TMEM25: variants seen among roughly 807,000 people sequenced by gnomAD.
TMEM25 encodes the protein 0610039J01Rik.
TMEM25 carries 36 observed loss-of-function variants against 37.0 expected under a neutral mutation model. The observed-to-expected ratio is 0.97, with a 90% CI of 0.75 to 1.28. The LOEUF is 1.28. TMEM25 is among the 50% of genes most tolerant of loss of function. TMEM25 has a pLI of 0.00. For synonymous variants in TMEM25, 197 were observed against 203.7 expected (o/e 0.97, Z 0.28); for missense variants, 444 against 477.9 (o/e 0.93, Z 0.66).
In TMEM25 at chr11:118,535,715, A is replaced by G. The variant is rs1221692825; in HGVS notation, c.*1135A>G. 7.0e-7 allele frequency: 1 copy of G among 1,432,496 alleles called. No homozygotes were observed. The highest frequency in any genetic ancestry group is 9.1e-7 in the Non-Finnish European group (1 of 1,094,826). 88.7% of individuals were successfully genotyped at this position (1,432,496 alleles called of 1,614,324 possible). ...GCAACATGTAAATGATTGGAAATTA[A>G]TATAGTACAGAATATATTTTTCCCT... On this transcript the variant is annotated 3_prime_UTR_variant, in exon 9 of 9. Transcript: ENST00000313236.
In TMEM25 at chr11:118,534,702, C is replaced by A; in HGVS notation, c.*122C>A. ...TATGCCACTGCCACTTTTGCTTGCC[C>A]TCCTGGCTGGGGTGCCCTCCATGTC... On this transcript the variant is annotated 3_prime_UTR_variant, in exon 9 of 9. Transcript: ENST00000313236. This position sits in a 1 kb window ranked among gnomAD's most constrained non-coding sequence, Gnocchi z 4.6. 6.7e-7 allele frequency: 1 copy of A among 1,499,656 alleles called. No homozygotes were observed. The highest frequency in any genetic ancestry group is 1.3e-5 in the South Asian group (1 of 77,020). 92.9% of individuals were successfully genotyped at this position (1,499,656 alleles called of 1,614,324 possible).
intron 1 of TMEM25, chr11:118,531,526 G>A: frequency 1.8e-6 from 1 of 550,482 alleles, no homozygotes; most frequent in East Asian, 3.0e-5. Flanking sequence ...CGTATCTGCG[G>A]GTGTGTGCCT....
At chr11:118,531,255 G>A in intron 1 of TMEM25, 21 bp downstream of exon 1, 1 of 381,828 alleles carries the variant, frequency 2.6e-6, no homozygotes. Context: ...CCGGTGGCGG[G>A]GGGCGGGGGC....
rs1555061822 is a variant in TMEM25, at chr11:118,534,290, T to C, written c.962T>C (p.Met321Thr). The C allele has an allele frequency of 2.5e-6, 4 of 1,614,204 alleles. No individual in the cohort carries two copies. Among genetic ancestry groups the C allele is most frequent in the South Asian group, 1.1e-5 (1 of 91,076 alleles). ...SRAVKPADRQMAQNNSRPELL... is the reference protein window; with the variant it reads ...SRAVKPADRQTAQNNSRPELL... The stretch of plus-strand genomic sequence containing the variant: ...GCAGTGAAACCAGCAGACCGGCAGA[T>C]GGCTCAGAACAACAGCCGGCCAGAG... The change falls in exon 8 of 9, where the codon ATG (methionine) becomes ACG (threonine). Residue 321 changes from methionine (M) to threonine (T), a missense_variant. Physicochemically the swap from Met to Thr is moderately conservative, Grantham distance 81. Transcript: ENST00000313236. This position sits in a 1 kb window ranked among gnomAD's most constrained non-coding sequence, Gnocchi z 4.6.
chr11:118,532,887 G>A (rs781803471), intron 3 of TMEM25, 30 bp from the exon 4 acceptor site: 27 of 1,592,860 alleles, frequency 1.7e-5, no homozygotes, highest in Non-Finnish European at 1.7e-6. Context: ...GGGCTGTGGT[G>A]AGAGCATATT....
At chr11:118,543,420 C>T (rs2135449629) in intron 8 of TMEM25, among the ~76,000 whole-genome samples, 1 of 152,242 alleles carries the variant, frequency 6.6e-6, no homozygotes, top group Middle Eastern at 3.4e-3. Context: ...CTTTTATGTT[C>T]CTCAGTACCC....
chr11:118,533,294 C>G, intron 4 of TMEM25, 87 bp downstream of exon 4: 1 of 1,563,476 alleles, frequency 6.4e-7, no homozygotes, highest in East Asian at 2.3e-5. Flanking sequence ...ACTTGTTGCC[C>G]TGTGGTTGGG....
In TMEM25 at chr11:118,534,378, C is replaced by A. The variant is rs782104233; in HGVS notation, c.1027+23C>A. ...AAGGTACTGGGGAAGGGGCCTGCCA[C>A]CCTCCTCCTCTGCCCCCCAGCCCTG... On this transcript the variant is annotated intron_variant, in intron 8 of 8. Coordinates refer to ENST00000313236, the MANE Select transcript of TMEM25 (RefSeq NM_032780.4). This position sits in a 1 kb window ranked among gnomAD's most constrained non-coding sequence, Gnocchi z 4.6. The A allele has an allele frequency of 6.2e-7, 1 of 1,612,720 alleles. No individual in the cohort carries two copies. The highest frequency in any genetic ancestry group is 1.3e-5 in the African/African-American group (1 of 75,010).
downstream of TMEM25, among the ~76,000 whole-genome samples, chr11:118,536,718 C>T (rs1951515036): frequency 6.6e-6 from 1 of 152,236 alleles, no homozygotes; most frequent in Non-Finnish European, 1.5e-5. Flanking sequence ...TCAGCTGCTT[C>T]TTCCCACCTC....
chr11:118,532,572 A>G lies in TMEM25; in HGVS notation c.382+111A>G, dbSNP rs1316620031. 4 of 1,224,618 alleles carry G rather than the reference A, an allele frequency of 3.3e-6. No individual in the cohort carries two copies. In the African/African-American group the frequency reaches 6.1e-5, roughly 19 times the overall value. The allele number at this position is 1,224,618 out of a possible 1,614,324, so 75.9% of individuals were successfully genotyped here. A position where few individuals can be genotyped will look rare whatever the true frequency, so the allele number is the denominator to read the frequency against. On this transcript the variant is annotated intron_variant, in intron 3 of 8. Transcript: ENST00000313236. ...TAGCAGACACTTAAGCACTTTGCAA[A>G]TATGAACTCATTTGATCCTCTGAGT...
chr11:118,544,771 C>G, intron 8 of TMEM25: 3 of 638,474 alleles, frequency 4.7e-6, no homozygotes. Flanking sequence ...TCTGTGCCCT[C>G]TGGCAGAGAG....
downstream of TMEM25, among the ~76,000 whole-genome samples, chr11:118,540,580 A>C (rs1951565690): frequency 6.6e-6 from 1 of 152,014 alleles, no homozygotes; most frequent in Admixed American, 6.6e-5. Context: ...CAGAAAGTTT[A>C]CTCTTCCTGA....
chr11:118,534,399 C>G lies in TMEM25; in HGVS notation c.1027+44C>G, dbSNP rs782806843. ...GCCACCCTCCTCCTCTGCCCCCCAG[C>G]CCTGTGCTTATGCCAGAGGCCTCCA... is the stretch of plus-strand genomic sequence containing the variant. On this transcript the variant is annotated intron_variant, in intron 8 of 8. Coordinates refer to ENST00000313236, the MANE Select transcript of TMEM25 (RefSeq NM_032780.4). The surrounding 1 kb of genome is among the most constrained non-coding windows in gnomAD (Gnocchi z 4.6). 1 of 1,611,110 alleles carries G rather than the reference C, an allele frequency of 6.2e-7. No individual in the cohort carries two copies. Among genetic ancestry groups the G allele is most frequent in the Non-Finnish European group, 8.5e-7 (1 of 1,178,636 alleles).
chr11:118,540,359 C>T (rs1179653649), downstream of TMEM25, among the ~76,000 whole-genome samples: 4 of 152,178 alleles, frequency 2.6e-5, no homozygotes, highest in African/African-American at 4.8e-5. Flanking sequence ...GTGCCAGCCA[C>T]CTGAAAGGAG....
Position 118,535,041 on chromosome 11 carries a change from C to T in TMEM25, c.*461C>T. On this transcript the variant is annotated 3_prime_UTR_variant, in exon 9 of 9. Transcript: ENST00000313236. ...CCTTCCTATGCTATGTAGCCTTGTT[C>T]CCTCAGGTAAAATTTAGGACCCTGC... 2.9e-6 allele frequency: 3 copies of T among 1,026,540 alleles called. No individual in the cohort carries two copies. In the South Asian group the frequency reaches 1.2e-4, roughly 42 times the overall value. The allele number at this position is 1,026,540 out of a possible 1,614,324, so 63.6% of individuals were successfully genotyped here.
rs1951265912 is a variant in TMEM25, at chr11:118,531,532, T to C, written c.-27-243T>C. The C allele has an allele frequency of 5.4e-6, 3 of 552,134 alleles. No individual in the cohort carries two copies. In the East Asian group the frequency reaches 8.9e-5, roughly 16 times the overall value. The allele number at this position is 552,134 out of a possible 1,614,324, so 34.2% of individuals were successfully genotyped here. A position where few individuals can be genotyped will look rare whatever the true frequency, so the allele number is the denominator to read the frequency against. On this transcript the variant is annotated intron_variant, in intron 1 of 8. Transcript: ENST00000313236. ...TTGCTTCTGCGTATCTGCGGGTGTGTGCCTCTTTGTATTGTAGCCTGGAGT... is the reference window on the plus strand; with the variant it reads ...TTGCTTCTGCGTATCTGCGGGTGTGCGCCTCTTTGTATTGTAGCCTGGAGT...
chr11:118,546,686 T>C (rs1555067256), downstream of TMEM25: 1 of 154,052 alleles, frequency 6.5e-6, no homozygotes, highest in East Asian at 1.9e-4. Context: ...ATGGAATTGG[T>C]CATATGTTTT....
chr11:118,533,623 G>A, intron 5 of TMEM25, 72 bp downstream of exon 5: 1 of 1,609,254 alleles, frequency 6.2e-7, no homozygotes, highest in Non-Finnish European at 8.5e-7. Context: ...AAGTGCAGCT[G>A]GGCAGAACCA....
At chr11:118,532,535 C>A in intron 3 of TMEM25, 74 bp downstream of exon 3, 1 of 1,502,624 alleles carries the variant, frequency 6.7e-7, no homozygotes, top group Non-Finnish European at 8.9e-7. Context: ...GGCAGGTGGT[C>A]CGCAGGACAT....
Sources: gnomAD v4.1 joint callset for allele counts (sites outside exome capture counted in the v4.1 genomes callset) on GRCh38, gnomAD v4.1.1 for gene constraint, Gnocchi (gnomAD v3.1) non-coding constraint, MANE v1.5 for transcripts, NCBI Gene and HGNC (gene_info 2026-07-23, HGNC 2026-07-21) for gene names.